Variants in MAPK8IP2 observed in about 807,000 individuals in gnomAD.
The protein encoded by MAPK8IP2 is C-Jun-amino-terminal kinase-interacting protein 2.
Under a neutral mutation model 75.6 loss-of-function variants are expected in MAPK8IP2, and 15 were observed. That is an observed-to-expected ratio of 0.20 (90% confidence interval 0.13 to 0.31). MAPK8IP2 has a LOEUF of 0.31. Ranked by LOEUF, MAPK8IP2 falls within the 10% of genes least tolerant of loss-of-function variation. The pLI is 1.00. For synonymous variants in MAPK8IP2, 632 were observed against 554.5 expected (o/e 1.14, Z -1.96); for missense variants, 1,089 against 1,211.2 (o/e 0.90, Z 1.50).
rs765623586 is a variant in MAPK8IP2 at position 50,605,326 on chromosome 22, G to A, written c.1766-42G>A. On this transcript the variant is annotated intron_variant, in intron 5 of 11. Coordinates refer to ENST00000329492, the MANE Select transcript of MAPK8IP2 (RefSeq NM_012324.6). ...GGCCTCTAAGCACTACTCTGACTCT[G>A]TCTCCCTGTCTCCCCCGCCTCTGTC... 4 of 1,580,758 alleles carry A rather than the reference G, an allele frequency of 2.5e-6. No homozygotes were observed. The African/African-American group carries it at 5.4e-5, about 21-fold the overall frequency.
Position 50,605,924 on chromosome 22 carries a change from C to T in MAPK8IP2, c.2114C>T (p.Ala705Val). 1 of 1,574,718 alleles carries T rather than the reference C, an allele frequency of 6.4e-7. No homozygotes were observed. The highest frequency in any genetic ancestry group is 8.6e-7 in the Non-Finnish European group (1 of 1,162,652). ...CAGGGCAACGGCATCCTGTGTGCAG[C>T]CATGCAGAAGGTCAGTGTGGAGGCC... ...CHQGNGILCA[A>V]MQKIATARKL... The change falls in exon 8 of 12, where the codon GCC (alanine) becomes GTC (valine). Residue 705 changes from alanine to valine, a missense_variant. Ala to Val is a moderately conservative substitution (Grantham distance 64). This residue lies in a region of MAPK8IP2 where 129 missense variants were observed against 201.7 expected (regional missense o/e 0.64). Transcript: ENST00000329492.
In MAPK8IP2 at chr22:50,604,269, C is replaced by T; in HGVS notation, c.970C>T (p.Pro324Ser). 1 of 1,569,186 alleles carries T rather than the reference C, an allele frequency of 6.4e-7. No individual in the cohort carries two copies. The highest frequency in any genetic ancestry group is 8.6e-7 in the Non-Finnish European group (1 of 1,165,682). ...PRRPAFLPVG[P>S]DDTNSEYESG... Reference sequence around the variant, plus strand: ...CCGCCCCGCCTTCCTGCCCGTGGGCCCCGACGACACCAACAGCGAGTACGA... The same window carrying T: ...CCGCCCCGCCTTCCTGCCCGTGGGCTCCGACGACACCAACAGCGAGTACGA... Residue 324 changes from proline (P) to serine (S), a missense_variant, in exon 5 of 12, where the codon CCC (proline) becomes TCC (serine). By Grantham distance (74) the Pro-to-Ser change is moderately conservative (BLOSUM62 -1). Transcript: ENST00000329492.
At chr22:50,606,379 GA>G (rs1270649984) in intron 8 of MAPK8IP2, among the ~76,000 whole-genome samples, 81,155 of 145,188 alleles carry the variant, frequency 0.56, 22,269 homozygotes, top group East Asian at 0.68. Flanking sequence ...CAGGGCGGGT[GA>G]GGTCTCTGTT....
rs1394985571 is a variant in MAPK8IP2 at position 50,604,580 on chromosome 22, C to T, written c.1281C>T (p.Pro427=). ...PPPPAPAAPR[P]GPAQPGPCLF... is the part of the protein sequence containing the mutation. ...CGCCCGCGCCCGCCGCGCCTCGACCCGGCCCCGCGCAGCCCGGGCCCTGCC... is the reference window on the plus strand; with the variant it reads ...CGCCCGCGCCCGCCGCGCCTCGACCTGGCCCCGCGCAGCCCGGGCCCTGCC... Residue 427 remains proline, a synonymous_variant, in exon 5 of 12, where the codon CCC becomes CCT. Transcript: ENST00000329492. 4.1e-5 allele frequency: 53 copies of T among 1,290,972 alleles called. No homozygotes were observed. In the East Asian group the frequency reaches 1.1e-3, roughly 27 times the overall value. The allele number at this position is 1,290,972 out of a possible 1,614,324, so 80.0% of individuals were successfully genotyped here. A position where few individuals can be genotyped will look rare whatever the true frequency, so the allele number is the denominator to read the frequency against.
At position 50,610,783 on chromosome 22, in the gene MAPK8IP2, G is replaced by T; in HGVS notation, c.*4G>T. 1 of 1,604,096 alleles carries T rather than the reference G, an allele frequency of 6.2e-7. No individual in the cohort carries two copies. On this transcript the variant is annotated 3_prime_UTR_variant, in exon 12 of 12. Coordinates refer to ENST00000329492, the MANE Select transcript of MAPK8IP2 (RefSeq NM_012324.6). The surrounding 1 kb of genome is among the most constrained non-coding windows in gnomAD (Gnocchi z 4.3). ...GGAGGACATCTACCTGGAGTAGCCTGCCCACCGCTCTGTCTCCTGGCCGTC... is the reference window on the plus strand; with the variant it reads ...GGAGGACATCTACCTGGAGTAGCCTTCCCACCGCTCTGTCTCCTGGCCGTC...
rs547322617 is a variant in MAPK8IP2 at position 50,610,561 on chromosome 22, C to G, written c.2403-146C>G. ...TGGGCCAGGAGAGCTGAGGGTCACA[C>G]TTGGGGGTGACATGGCCATGCCTGG... On this transcript the variant is annotated intron_variant, in intron 11 of 11. Transcript: ENST00000329492. The surrounding 1 kb of genome is among the most constrained non-coding windows in gnomAD (Gnocchi z 4.3). 1 of 733,206 alleles carries G rather than the reference C, an allele frequency of 1.4e-6. No individual in the cohort carries two copies. Among genetic ancestry groups the G allele is most frequent in the South Asian group, 1.7e-5 (1 of 59,398 alleles). 45.4% of individuals were successfully genotyped at this position (733,206 alleles called of 1,614,324 possible).
chr22:50,612,607 G>C lies in MAPK8IP2; in HGVS notation c.*1828G>C, dbSNP rs1450418525. 3.9e-5 allele frequency: 6 copies of C among 152,380 alleles called. No homozygotes were observed. The highest frequency in any genetic ancestry group is 7.3e-5 in the Non-Finnish European group (5 of 68,086). The allele number at this position is 152,380 out of a possible 1,614,324, so 9.4% of individuals were successfully genotyped here. A position where few individuals can be genotyped will look rare whatever the true frequency, so the allele number is the denominator to read the frequency against. The stretch of plus-strand genomic sequence containing the variant: ...CTGAGGCCCCAGAGAGACCGAGGAC[G>C]CAGACCAGTGGCACGACGGAAACGC... On this transcript the variant is annotated 3_prime_UTR_variant, in exon 12 of 12. Transcript: ENST00000329492.
chr22:50,603,451 C>G lies in MAPK8IP2; in HGVS notation c.400C>G (p.His134Asp). ...CCCCTCCCCTTCCGTGGAGGAGCCC[C>G]ACAAGCACCGGCCCACCACCCTCCG... ...LIPSPSVEEPHKHRPTTLRLT... is the reference protein window; with the variant it reads ...LIPSPSVEEPDKHRPTTLRLT... Residue 134 changes from histidine (H) to aspartate (D), a missense_variant, in exon 3 of 12, where the codon CAC becomes GAC. His to Asp is a moderately conservative substitution (Grantham distance 81). Coordinates refer to ENST00000329492, the MANE Select transcript of MAPK8IP2 (RefSeq NM_012324.6). 1 of 1,568,904 alleles carries G rather than the reference C, an allele frequency of 6.4e-7. No individual in the cohort carries two copies. The highest frequency in any genetic ancestry group is 8.7e-7 in the Non-Finnish European group (1 of 1,155,070).
intron 2 of MAPK8IP2, chr22:50,603,005 C>T (rs2070962096): frequency 2.2e-6 from 2 of 919,182 alleles, no homozygotes; most frequent in Non-Finnish European, 1.6e-6. Flanking sequence ...GAATCCCTGT[C>T]ATTCAGCTGT....
At chr22:50,605,313 C>T in intron 5 of MAPK8IP2, 55 bp from the exon 6 acceptor site, 3 of 1,546,040 alleles carry the variant, frequency 1.9e-6, no homozygotes, top group Non-Finnish European at 8.9e-7. Flanking sequence ...CCTCTAAGCA[C>T]TACTCTGACT....
chr22:50,610,200 A>C lies in MAPK8IP2; in HGVS notation c.2304-12A>C. 1.9e-6 allele frequency: 3 copies of C among 1,592,572 alleles called. No homozygotes were observed. Among genetic ancestry groups the C allele is most frequent in the Non-Finnish European group, 2.6e-6 (3 of 1,169,420 alleles). On this transcript the variant is annotated splice_polypyrimidine_tract_variant and intron_variant, in intron 10 of 11. Transcript: ENST00000329492. This position sits in a 1 kb window ranked among gnomAD's most constrained non-coding sequence, Gnocchi z 4.3. The stretch of plus-strand genomic sequence containing the variant: ...GGGCTCTGACGTGCCCTCCACACTG[A>C]CTTGCCCGCAGCTATTTCGGCTTCA...
Position 50,603,731 on chromosome 22 carries a change from T to C in MAPK8IP2, c.541+12T>C. On this transcript the variant is annotated intron_variant, in intron 4 of 11. Coordinates refer to ENST00000329492, the MANE Select transcript of MAPK8IP2 (RefSeq NM_012324.6). ...GGAGGCCCTCAGAGGTGAGGGGTGG[T>C]GGGCCCGCGGGGCGCGGGGAAGCGG... 4 of 1,558,482 alleles carry C rather than the reference T, an allele frequency of 2.6e-6. No individual in the cohort carries two copies. Among genetic ancestry groups the C allele is most frequent in the Non-Finnish European group, 2.6e-6 (3 of 1,151,240 alleles).
intron 2 of MAPK8IP2, among the ~76,000 whole-genome samples, chr22:50,602,491 G>A (rs1569062944): frequency 6.6e-6 from 1 of 152,236 alleles, no homozygotes; most frequent in South Asian, 2.1e-4. Flanking sequence ...AAGGGACAAT[G>A]GCTGCCCACG....
Position 50,610,670 on chromosome 22 carries a change from G to A in MAPK8IP2, c.2403-37G>A, listed in dbSNP as rs532604403. The A allele has an allele frequency of 3.9e-5, 61 of 1,561,320 alleles. No homozygotes were observed. The highest frequency in any genetic ancestry group is 2.8e-4 in the Admixed American group (16 of 56,642). On this transcript the variant is annotated intron_variant, in intron 11 of 11. Coordinates refer to ENST00000329492, the MANE Select transcript of MAPK8IP2 (RefSeq NM_012324.6). The surrounding 1 kb of genome is among the most constrained non-coding windows in gnomAD (Gnocchi z 4.3). The stretch of plus-strand genomic sequence containing the variant: ...GAAGGCAGTTTGGGGGTTGAGGACC[G>A]GCCCTGAGTGGCTGGTGGAGGACCG...
Position 50,603,289 on chromosome 22 carries a change from G to C in MAPK8IP2, c.238G>C (p.Glu80Gln). The C allele has an allele frequency of 6.3e-7, 1 of 1,584,118 alleles. No individual in the cohort carries two copies. Among genetic ancestry groups the C allele is most frequent in the Non-Finnish European group, 8.6e-7 (1 of 1,167,036 alleles). Reference protein sequence around the residue: ...PICSFQDDFQEFEMIDDNEEE... With the variant: ...PICSFQDDFQQFEMIDDNEEE... Reference sequence around the variant, plus strand: ...CTGCTCCTTCCAGGATGACTTCCAGGAGTTTGAGATGATCGATGACAATGA... The same window carrying C: ...CTGCTCCTTCCAGGATGACTTCCAGCAGTTTGAGATGATCGATGACAATGA... Residue 80 changes from glutamate to glutamine, a missense_variant, in exon 3 of 12, where the codon GAG (glutamate) becomes CAG (glutamine). Glu to Gln is a conservative substitution (Grantham distance 29). This residue lies in a region of MAPK8IP2 where 960 missense variants were observed against 1,009.6 expected (regional missense o/e 0.95). Coordinates refer to ENST00000329492, the MANE Select transcript of MAPK8IP2 (RefSeq NM_012324.6).
At chr22:50,605,767 C>T (rs1193923174) in intron 7 of MAPK8IP2, 33 bp downstream of exon 7, 20 of 1,601,718 alleles carry the variant, frequency 1.2e-5, no homozygotes, top group Non-Finnish European at 1.7e-5. Context: ...AGGCTTTTCA[C>T]CCCAGATCCT....
At position 50,603,858 on chromosome 22, in the gene MAPK8IP2, C is replaced by G. The variant is rs2070985595; in HGVS notation, c.559C>G (p.Pro187Ala). 5.2e-6 allele frequency: 8 copies of G among 1,532,222 alleles called. No individual in the cohort carries two copies. The highest frequency in any genetic ancestry group is 7.0e-6 in the Non-Finnish European group (8 of 1,140,908). 94.9% of individuals were successfully genotyped at this position (1,532,222 alleles called of 1,614,324 possible). A position where few individuals can be genotyped will look rare whatever the true frequency, so the allele number is the denominator to read the frequency against. The change falls in exon 5 of 12, where the codon CCT (proline) becomes GCT (alanine). Residue 187 changes from proline (P) to alanine (A), a missense_variant. Coordinates refer to ENST00000329492, the MANE Select transcript of MAPK8IP2 (RefSeq NM_012324.6). ...EALRELPGPL[P>A]ATDTGPGGAQ... is the part of the protein sequence containing the mutation. Reference sequence around the variant, plus strand: ...CCCAGCAGAGCTCCCGGGCCCCCTCCCTGCCACGGACACCGGGCCCGGCGG... The same window carrying G: ...CCCAGCAGAGCTCCCGGGCCCCCTCGCTGCCACGGACACCGGGCCCGGCGG...
chr22:50,610,401 A>G lies in MAPK8IP2; in HGVS notation c.2402+91A>G, dbSNP rs755841177. ...GAGCAGGTGGGGGCAGGAGCCTGGC[A>G]GGGGAGGTCTGGGGAAGGAGAACCA... On this transcript the variant is annotated intron_variant, in intron 11 of 11. Transcript: ENST00000329492. This position sits in a 1 kb window ranked among gnomAD's most constrained non-coding sequence, Gnocchi z 4.3. The G allele has an allele frequency of 3.1e-5, 35 of 1,122,752 alleles. No homozygotes were observed. In the Admixed American group the frequency reaches 3.6e-4, roughly 11 times the overall value. The allele number at this position is 1,122,752 out of a possible 1,614,324, so 69.5% of individuals were successfully genotyped here.
At position 50,601,911 on chromosome 22, in the gene MAPK8IP2, G is replaced by A. The variant is rs376814276; in HGVS notation, c.171+17G>A. On this transcript the variant is annotated intron_variant, in intron 2 of 11. Transcript: ENST00000329492. The stretch of plus-strand genomic sequence containing the variant: ...TGTGAGAAGGTGGGAGAAGAGTTGG[G>A]GACACAGATCCAGCTCAAGGGAGGG... The A allele has an allele frequency of 2.6e-5, 41 of 1,597,166 alleles. No homozygotes were observed. The African/African-American group carries it at 4.8e-4, about 19-fold the overall frequency.
Sources: allele counts gnomAD v4.1 joint callset (sites outside exome capture counted in the v4.1 genomes callset), GRCh38; gene constraint gnomAD v4.1.1; regional missense constraint gnomAD v4.1.1; non-coding constraint Gnocchi (gnomAD v3.1); transcripts MANE v1.5; gene names NCBI Gene and HGNC (gene_info 2026-07-23, HGNC 2026-07-21).